The following ROCK2 variants were observed in gnomAD, a reference collection of about 807,000 sequenced individuals.
ROCK2 encodes the protein rho-associated protein kinase 2.
A neutral mutation model predicts 195.1 loss-of-function variants in ROCK2; 61 were observed. The ratio of observed to expected loss-of-function variants is 0.31; its 90% CI spans 0.25 to 0.39. ROCK2 has a LOEUF of 0.39. Ranked by LOEUF, ROCK2 falls within the 10% of genes least tolerant of loss-of-function variation. The pLI is 1.00. For synonymous variants in ROCK2, 504 were observed against 545.5 expected (o/e 0.92, Z 1.06); for missense variants, 1,109 against 1,637.4 (o/e 0.68, Z 5.57).
In ROCK2 at chr2:11,181,003, A is replaced by G. The variant is rs1426237456; in HGVS notation, c.*2434T>C. ...GATTTTTTTTTCACCCTTCAGAATT[A>G]TCTTTTTCCCCTAAGACCTTCATAT... On this transcript the variant is annotated 3_prime_UTR_variant, in exon 33 of 33. Coordinates refer to ENST00000315872, the MANE Select transcript of ROCK2 (RefSeq NM_004850.5). The G allele has an allele frequency of 1.3e-5, 2 of 151,842 alleles. No homozygotes were observed. The highest frequency in any genetic ancestry group is 4.8e-5 in the African/African-American group (2 of 41,346). 9.4% of individuals were successfully genotyped at this position (151,842 alleles called of 1,614,324 possible). A position where few individuals can be genotyped will look rare whatever the true frequency, so the allele number is the denominator to read the frequency against.
chr2:11,289,466 A>C (rs894395603), intron 1 of ROCK2, among the ~76,000 whole-genome samples: 3 of 152,216 alleles, frequency 2.0e-5, no homozygotes, highest in Admixed American at 6.5e-5. Context: ...ACAATTTCAA[A>C]TCAAAGAAAA....
At chr2:11,342,291 C>T (rs1218037364) in intron 1 of ROCK2, among the ~76,000 whole-genome samples, 1 of 152,138 alleles carries the variant, frequency 6.6e-6, no homozygotes, top group Non-Finnish European at 1.5e-5. Flanking sequence ...TGTGTTTTGG[C>T]TGTAATAACT....
Position 11,342,649 on chromosome 2 carries a change from T to C in ROCK2, c.141+1347A>G, listed in dbSNP as rs529829120. Among the ~76,000 whole-genome samples, 9 of 152,328 alleles carry C rather than the reference T, an allele frequency of 5.9e-5. 1 individual carries two copies. In the East Asian group the frequency reaches 1.5e-3, roughly 26 times the overall value. On this transcript the variant is annotated intron_variant, in intron 1 of 32. Coordinates refer to ENST00000315872, the MANE Select transcript of ROCK2 (RefSeq NM_004850.5). Reference sequence around the variant, plus strand: ...GGAGTGCAGCCCAGAGTCTCCGCTTTAGCCTAGGAAAAGCTATGCCATCCA... The same window carrying C: ...GGAGTGCAGCCCAGAGTCTCCGCTTCAGCCTAGGAAAAGCTATGCCATCCA...
At position 11,253,734 on chromosome 2, in the gene ROCK2, A is replaced by C. The variant is rs550122962; in HGVS notation, c.325-3936T>G. 2.6e-5 allele frequency among the ~76,000 whole-genome samples: 4 copies of C among 152,374 alleles called. No homozygotes were observed. The East Asian group carries it at 7.7e-4, about 29-fold the overall frequency. On this transcript the variant is annotated intron_variant, in intron 3 of 32. Coordinates refer to ENST00000315872, the MANE Select transcript of ROCK2 (RefSeq NM_004850.5). ...TTAATGACTCAATTAATATCTGCAAAAATTTATTTTAAAAGTGGCCACACC... is the reference window on the plus strand; with the variant it reads ...TTAATGACTCAATTAATATCTGCAACAATTTATTTTAAAAGTGGCCACACC...
chr2:11,283,994 C>T (rs1667104868), intron 3 of ROCK2, among the ~76,000 whole-genome samples: 1 of 152,176 alleles, frequency 6.6e-6, no homozygotes, highest in Admixed American at 6.5e-5. Flanking sequence ...ATTGTCAAAA[C>T]CTGGAGGCAA....
intron 1 of ROCK2, among the ~76,000 whole-genome samples, chr2:11,327,881 G>T (rs1360867304): frequency 1.3e-5 from 2 of 152,126 alleles, no homozygotes; most frequent in African/African-American, 2.4e-5. Flanking sequence ...GTTTTTAAAG[G>T]GGCATATGTT....
chr2:11,212,638 G>T (rs1444242006), intron 17 of ROCK2, among the ~76,000 whole-genome samples: 1 of 151,624 alleles, frequency 6.6e-6, no homozygotes, highest in Non-Finnish European at 1.5e-5. Flanking sequence ...CTAATTCTTT[G>T]ATTTTTATAG....
chr2:11,225,060 G>A (rs1664766253), intron 6 of ROCK2, among the ~76,000 whole-genome samples: 1 of 152,158 alleles, frequency 6.6e-6, no homozygotes, highest in Admixed American at 6.6e-5. Context: ...AGTTAAACCA[G>A]CTCTATTATT....
intron 1 of ROCK2, among the ~76,000 whole-genome samples, chr2:11,330,538 A>C (rs555914411): frequency 9.7e-4 from 147 of 152,290 alleles, no homozygotes; most frequent in African/African-American, 3.0e-3. Flanking sequence ...ATCAAAGCTC[A>C]TGACAACTGT....
chr2:11,327,780 C>T (rs1316410620), intron 1 of ROCK2, among the ~76,000 whole-genome samples: 1 of 152,208 alleles, frequency 6.6e-6, no homozygotes, highest in African/African-American at 2.4e-5. Flanking sequence ...CCAGGCTGGT[C>T]TCCAACTCCT....
Position 11,224,227 on chromosome 2 carries a change from C to A in ROCK2, c.1007+95G>T, listed in dbSNP as rs568673230. 1.3e-5 allele frequency: 15 copies of A among 1,197,842 alleles called. No individual in the cohort carries two copies. The African/African-American group carries it at 2.2e-4, about 17-fold the overall frequency. 74.2% of individuals were successfully genotyped at this position (1,197,842 alleles called of 1,614,324 possible). A position where few individuals can be genotyped will look rare whatever the true frequency, so the allele number is the denominator to read the frequency against. ...TAGATGCTACTTGGGTAATGAGAGG[C>A]AGACTGATTTCATATGTTAATAAGC... On this transcript the variant is annotated intron_variant, in intron 7 of 32. Transcript: ENST00000315872.
intron 1 of ROCK2, among the ~76,000 whole-genome samples, chr2:11,305,446 C>T (rs1204459777): frequency 2.0e-5 from 1 of 49,678 alleles, no homozygotes; most frequent in African/African-American, 1.2e-4. Context: ...TGTGGGTGTA[C>T]ACACACACAC....
Position 11,180,598 on chromosome 2 carries a change from C to G in ROCK2, c.*2839G>C, listed in dbSNP as rs914667906. The G allele has an allele frequency of 2.0e-5, 3 of 152,098 alleles. No homozygotes were observed. The highest frequency in any genetic ancestry group is 7.2e-5 in the African/African-American group (3 of 41,408). The allele number at this position is 152,098 out of a possible 1,614,324, so 9.4% of individuals were successfully genotyped here. ...CTTCTGTCTCGTTATCCCCACAAAA[C>G]AAAAGTAAAAAATCCAATAAGAAAA... On this transcript the variant is annotated 3_prime_UTR_variant, in exon 33 of 33. Coordinates refer to ENST00000315872, the MANE Select transcript of ROCK2 (RefSeq NM_004850.5).
At chr2:11,215,690 A>C (rs753677162) in intron 13 of ROCK2, 45 bp from the exon 14 acceptor site, 298 of 1,507,140 alleles carry the variant, frequency 2.0e-4, no homozygotes, top group Non-Finnish European at 2.6e-4. Flanking sequence ...ATGTATAAAA[A>C]TGAAATCAAA....
intron 3 of ROCK2, among the ~76,000 whole-genome samples, chr2:11,262,257 A>G (rs1666253596): frequency 1.3e-5 from 2 of 152,222 alleles, no homozygotes; most frequent in Admixed American, 6.5e-5. Flanking sequence ...AAAAACAAAG[A>G]ACAAAAAAAT....
At chr2:11,330,242 A>G (rs982746646) in intron 1 of ROCK2, among the ~76,000 whole-genome samples, 1 of 152,214 alleles carries the variant, frequency 6.6e-6, no homozygotes, top group African/African-American at 2.4e-5. Context: ...TTTGAAAACA[A>G]TATTTCAAAA....
In ROCK2 at chr2:11,211,865, A is replaced by G. The variant is rs777822975; in HGVS notation, c.2044-25T>C. The G allele has an allele frequency of 3.3e-6, 5 of 1,530,404 alleles. No homozygotes were observed. The African/African-American group carries it at 7.0e-5, about 22-fold the overall frequency. 94.8% of individuals were successfully genotyped at this position (1,530,404 alleles called of 1,614,324 possible). ...CCTATTAAATATTTAAAATGCAGCT[A>G]TCAACAAAAAAGAGACTAGCTCACA... On this transcript the variant is annotated intron_variant, in intron 17 of 32. Transcript: ENST00000315872.
chr2:11,337,589 G>A (rs776826383), intron 1 of ROCK2, among the ~76,000 whole-genome samples: 10 of 151,994 alleles, frequency 6.6e-5, no homozygotes, highest in Non-Finnish European at 1.3e-4. Flanking sequence ...TACTGTTGGT[G>A]GGAGTATAAA....
chr2:11,236,318 C>T (rs1012113002), intron 4 of ROCK2, among the ~76,000 whole-genome samples: 7 of 152,014 alleles, frequency 4.6e-5, no homozygotes, highest in African/African-American at 1.4e-4. Context: ...AAAAAAACAG[C>T]TTTCTGAACA....
Sources: allele counts gnomAD v4.1 joint callset (sites outside exome capture counted in the v4.1 genomes callset), GRCh38; gene constraint gnomAD v4.1.1; transcripts MANE v1.5; gene names NCBI Gene and HGNC (gene_info 2026-07-23, HGNC 2026-07-21).